The following PARP16 variants were observed in gnomAD, a reference collection of about 807,000 sequenced individuals.
PARP16 encodes protein mono-ADP-ribosyltransferase PARP16.
A neutral mutation model predicts 35.0 loss-of-function variants in PARP16; 31 were observed. The ratio of observed to expected loss-of-function variants is 0.88; its 90% CI spans 0.66 to 1.19. The LOEUF (loss-of-function observed/expected upper bound fraction) is 1.19. Among genes scored for constraint, PARP16 ranks in the 50% most tolerant of loss-of-function variants. The pLI is 0.00. For synonymous variants in PARP16, 162 were observed against 169.5 expected (o/e 0.96, Z 0.34); for missense variants, 424 against 411.2 (o/e 1.03, Z -0.27).
Position 65,283,357 on chromosome 15 carries a change from G to T in PARP16, c.174+2896C>A, listed in dbSNP as rs2090478906. On this transcript the variant is annotated intron_variant, in intron 1 of 5. Transcript: ENST00000649807. Reference sequence around the variant, plus strand: ...CCCAAACAGGTCCCTCTCTCACCCTGCCACCACAGGTGTCTTTCTGGATCT... The same window carrying T: ...CCCAAACAGGTCCCTCTCTCACCCTTCCACCACAGGTGTCTTTCTGGATCT... Among the ~76,000 whole-genome samples, 4 of 151,902 alleles carry T rather than the reference G, an allele frequency of 2.6e-5. No homozygotes were observed. The South Asian group carries it at 8.3e-4, about 32-fold the overall frequency.
At chr15:65,264,776 A>G (rs1177347965) in intron 3 of PARP16, among the ~76,000 whole-genome samples, 2 of 152,228 alleles carry the variant, frequency 1.3e-5, no homozygotes, top group Non-Finnish European at 2.9e-5. Flanking sequence ...CCATGAAAAC[A>G]GTATCAGTAT....
intron 1 of PARP16, among the ~76,000 whole-genome samples, chr15:65,280,112 T>C (rs1014313787): frequency 6.6e-6 from 1 of 152,004 alleles, no homozygotes; most frequent in Non-Finnish European, 1.5e-5. Context: ...ATTTCCAATA[T>C]GGAAATAAGC....
chr15:65,243,625 T>C (rs2089136536), intron 3 of PARP16, among the ~76,000 whole-genome samples: 1 of 152,200 alleles, frequency 6.6e-6, no homozygotes, highest in Non-Finnish European at 1.5e-5. Flanking sequence ...TTCCCTCCTT[T>C]TCAATATTCT....
downstream of PARP16, among the ~76,000 whole-genome samples, chr15:65,232,327 T>A (rs568588661): frequency 3.9e-5 from 6 of 152,150 alleles, no homozygotes; most frequent in South Asian, 1.2e-3. Context: ...TGTATTGGAG[T>A]TTGCTCCTAT....
chr15:65,240,095 C>T lies in PARP16; in HGVS notation c.*98-5272G>A, dbSNP rs887088330. On this transcript the variant is annotated intron_variant and NMD_transcript_variant, in intron 3 of 3. Transcript: ENST00000559805. The stretch of plus-strand genomic sequence containing the variant: ...CCTCCCACATCTGCCTCCCAAGTAG[C>T]TGGGACTACAGGCATGAACCACGAC... 3.3e-5 allele frequency among the ~76,000 whole-genome samples: 5 copies of T among 151,706 alleles called. No individual in the cohort carries two copies. The East Asian group carries it at 7.8e-4, about 24-fold the overall frequency.
At chr15:65,254,377 G>A (rs1366587047), downstream of PARP16, among the ~76,000 whole-genome samples, 1 of 152,170 alleles carries the variant, frequency 6.6e-6, no homozygotes, top group African/African-American at 2.4e-5. Context: ...GCAAAGGAGA[G>A]GGGCTTATTC....
intron 1 of PARP16, among the ~76,000 whole-genome samples, chr15:65,274,403 AAAAC>A (rs1374039498): frequency 5.3e-5 from 8 of 151,994 alleles, no homozygotes; most frequent in Non-Finnish European, 7.4e-5. Flanking sequence ...TCCACAAAAC[AAAAC>A]AAACAAACAA....
chr15:65,250,141 A>T (rs2089321235), intron 2 of PARP16, among the ~76,000 whole-genome samples: 2 of 119,864 alleles, frequency 1.7e-5, no homozygotes, highest in Admixed American at 1.0e-4. Context: ...TTTTTGAGAC[A>T]GAGTCTCTCT....
chr15:65,255,526 C>G (rs2089475138), downstream of PARP16, among the ~76,000 whole-genome samples: 1 of 151,928 alleles, frequency 6.6e-6, no homozygotes, highest in African/African-American at 2.4e-5. Flanking sequence ...TCCCTCCTGC[C>G]CACTCGAACC....
At chr15:65,261,951 G>A (rs533351464) in intron 4 of PARP16, among the ~76,000 whole-genome samples, 1 of 152,310 alleles carries the variant, frequency 6.6e-6, no homozygotes, top group South Asian at 2.1e-4. Context: ...TTGTTTTGAT[G>A]TTTAATGTCA....
rs1023662542 is a variant in PARP16 at position 65,277,982 on chromosome 15, T to C, written c.175-6910A>G. ...ATGGCAGTGGAAGGCATTTGCCAAC[T>C]GGATCCAGGAGAATAATTATCCAAG... On this transcript the variant is annotated intron_variant, in intron 1 of 5. Coordinates refer to ENST00000649807, the MANE Select transcript of PARP16 (RefSeq NM_001316943.2). 1.3e-5 allele frequency among the ~76,000 whole-genome samples: 2 copies of C among 152,180 alleles called. 1 individual carries two copies. The highest frequency in any genetic ancestry group is 4.8e-5 in the African/African-American group (2 of 41,438).
At chr15:65,255,674 G>A (rs555070273), downstream of PARP16, among the ~76,000 whole-genome samples, 19 of 142,388 alleles carry the variant, frequency 1.3e-4, no homozygotes, top group South Asian at 2.4e-3. Context: ...CAGGTATTGC[G>A]TTACCATTTC....
At chr15:65,236,739 G>T (rs575274274) in intron 3 of PARP16, among the ~76,000 whole-genome samples, 2 of 152,316 alleles carry the variant, frequency 1.3e-5, no homozygotes, top group South Asian at 4.1e-4. Context: ...CTGAGAGGCC[G>T]AGGTGGGCGG....
rs139769806 is a variant in PARP16, at chr15:65,281,691, C to CAA, written c.174+4560_174+4561dup. ...GGGCAACAAGAGGGAAACTCCATCT[C>CAA]AAAAAAAAAAAAAAAATCAGAGAGC... On this transcript the variant is annotated intron_variant, in intron 1 of 5. Coordinates refer to ENST00000649807, the MANE Select transcript of PARP16 (RefSeq NM_001316943.2). Among the ~76,000 whole-genome samples the CAA allele has an allele frequency of 4.7e-3, 543 of 115,660 alleles. 2 individuals are homozygous for CAA. The highest frequency in any genetic ancestry group is 7.3e-3 in the Admixed American group (86 of 11,794). 75.9% of individuals were successfully genotyped at this position (115,660 alleles called of 152,430 possible). A position where few individuals can be genotyped will look rare whatever the true frequency, so the allele number is the denominator to read the frequency against.
chr15:65,249,386 G>A (rs1183930251), intron 2 of PARP16, among the ~76,000 whole-genome samples: 2 of 152,266 alleles, frequency 1.3e-5, no homozygotes, highest in Admixed American at 1.3e-4. Flanking sequence ...TTAAGTGACA[G>A]TCATATTACA....
intron 2 of PARP16, among the ~76,000 whole-genome samples, chr15:65,267,927 G>C (rs1479965414): frequency 6.6e-6 from 1 of 151,490 alleles, no homozygotes; most frequent in African/African-American, 2.4e-5. Context: ...TCCTGACCTC[G>C]TGATCCACCC....
At chr15:65,283,096 G>A (rs1247978422) in intron 1 of PARP16, among the ~76,000 whole-genome samples, 1 of 152,074 alleles carries the variant, frequency 6.6e-6, no homozygotes, top group African/African-American at 2.4e-5. Context: ...AAGAAAATAA[G>A]TTCCAGATTC....
At chr15:65,271,168 A>T in intron 1 of PARP16, 96 bp from the exon 2 acceptor site, 2 of 1,175,148 alleles carry the variant, frequency 1.7e-6, no homozygotes, top group Non-Finnish European at 2.5e-6. Flanking sequence ...CACTTGTTGC[A>T]CGTCTCAAGG....
At chr15:65,238,831 T>A (rs1246727056) in intron 3 of PARP16, among the ~76,000 whole-genome samples, 1 of 152,192 alleles carries the variant, frequency 6.6e-6, no homozygotes, top group Non-Finnish European at 1.5e-5. Flanking sequence ...ATCAGTATAA[T>A]AAAGATAACA....
Sources: allele counts gnomAD v4.1 joint callset (sites outside exome capture counted in the v4.1 genomes callset), GRCh38; gene constraint gnomAD v4.1.1; transcripts MANE v1.5; gene names NCBI Gene and HGNC (gene_info 2026-07-23, HGNC 2026-07-21).